Variants in WWOX observed in about 807,000 individuals in gnomAD.
WWOX encodes WW domain-containing oxidoreductase.
WWOX carries 69 observed loss-of-function variants against 46.2 expected under a neutral mutation model. The observed-to-expected ratio is 1.49, with a 90% CI of 1.23 to 1.82. The LOEUF is 1.82. Among genes scored for constraint, WWOX ranks in the 40% most tolerant of loss-of-function variants. The pLI is 0.00. For missense variants in WWOX, 919 were observed against 542.6 expected (o/e 1.69, Z -6.89); for synonymous variants, 359 against 202.6 (o/e 1.77, Z -6.56).
intron 8 of WWOX, among the ~76,000 whole-genome samples, chr16:79,125,777 G>C (rs1226732070): frequency 1.3e-5 from 2 of 152,214 alleles, no homozygotes; most frequent in Non-Finnish European, 1.5e-5. Flanking sequence ...TTGGACTTCA[G>C]AGCCCCTTGT....
intron 8 of WWOX, among the ~76,000 whole-genome samples, chr16:78,794,208 G>T (rs530238371): frequency 6.6e-6 from 1 of 152,136 alleles, no homozygotes; most frequent in Non-Finnish European, 1.5e-5. Context: ...ACAGCAAGAA[G>T]AATATCCATG....
intron 8 of WWOX, among the ~76,000 whole-genome samples, chr16:78,854,852 G>A (rs2052530681): frequency 6.6e-6 from 1 of 151,702 alleles, no homozygotes; most frequent in Non-Finnish European, 1.5e-5. Context: ...AAAGTGCTGG[G>A]ATTAGAGGCC....
intron 5 of WWOX, chr16:78,281,171 T>G (rs1157878048): frequency 6.6e-6 from 1 of 152,238 alleles, no homozygotes; most frequent in African/African-American, 2.4e-5. Flanking sequence ...GTAAGTATTC[T>G]TGGGGCAAAT....
intron 8 of WWOX, among the ~76,000 whole-genome samples, chr16:78,530,108 G>C (rs1009874343): frequency 1.3e-5 from 2 of 152,168 alleles, no homozygotes; most frequent in African/African-American, 4.8e-5. Flanking sequence ...GCAGGAGCCA[G>C]GGTAAATGCT....
intron 8 of WWOX, among the ~76,000 whole-genome samples, chr16:78,787,856 A>G (rs983927765): frequency 9.2e-5 from 14 of 152,092 alleles, no homozygotes; most frequent in African/African-American, 2.9e-4. Flanking sequence ...GAAGGTATGA[A>G]ATTGTATCGT....
Position 78,656,502 on chromosome 16 carries a change from C to T in WWOX, c.1056+223750C>T, listed in dbSNP as rs569616020. Among the ~76,000 whole-genome samples the T allele has an allele frequency of 1.3e-3, 192 of 152,296 alleles. No homozygotes were observed. The Middle Eastern group carries it at 0.014, about 11-fold the overall frequency. On this transcript the variant is annotated intron_variant, in intron 8 of 8. Transcript: ENST00000566780. Reference sequence around the variant, plus strand: ...AAGATGAAAGGGAAGCAGGCATGTTCTGCATGGCTGGAGTAGGAGGCAAGG... The same window carrying T: ...AAGATGAAAGGGAAGCAGGCATGTTTTGCATGGCTGGAGTAGGAGGCAAGG...
At chr16:78,455,978 C>T (rs552768650) in intron 8 of WWOX, among the ~76,000 whole-genome samples, 4 of 152,294 alleles carry the variant, frequency 2.6e-5, no homozygotes, top group African/African-American at 7.2e-5. Flanking sequence ...GGCTATAGGC[C>T]AGGACCTGTG....
chr16:78,611,432 G>T (rs2045897741), intron 8 of WWOX, among the ~76,000 whole-genome samples: 1 of 152,144 alleles, frequency 6.6e-6, no homozygotes, highest in Admixed American at 6.5e-5. Context: ...GAATTCTTTG[G>T]TGCATTTTAT....
intron 8 of WWOX, among the ~76,000 whole-genome samples, chr16:78,622,292 C>T (rs890482544): frequency 1.3e-5 from 2 of 151,960 alleles, no homozygotes; most frequent in African/African-American, 2.4e-5. Flanking sequence ...CTTGTAATCC[C>T]AGCACTTTGG....
At chr16:78,372,604 A>G (rs1274462948) in intron 5 of WWOX, among the ~76,000 whole-genome samples, 2 of 152,184 alleles carry the variant, frequency 1.3e-5, no homozygotes, top group African/African-American at 2.4e-5. Context: ...CTGGATCTAG[A>G]GAAGGGTTAC....
intron 6 of WWOX, among the ~76,000 whole-genome samples, chr16:78,411,635 G>C (rs1260749899): frequency 6.6e-6 from 1 of 152,140 alleles, no homozygotes; most frequent in African/African-American, 2.4e-5. Context: ...AAGTTTTTGA[G>C]AATGGGTAGG....
chr16:78,607,691 C>T (rs1309984197), intron 8 of WWOX, among the ~76,000 whole-genome samples: 2 of 148,700 alleles, frequency 1.3e-5, no homozygotes, highest in African/African-American at 2.4e-5. Flanking sequence ...TATAGGGGCC[C>T]TTAAGAGAAA....
chr16:78,135,972 A>C (rs1264930837), intron 4 of WWOX, among the ~76,000 whole-genome samples: 1 of 152,208 alleles, frequency 6.6e-6, no homozygotes, highest in East Asian at 1.9e-4. Context: ...TGATAACTAT[A>C]TATAAAATTA....
intron 8 of WWOX, among the ~76,000 whole-genome samples, chr16:79,185,674 G>A (rs1359794354): frequency 6.6e-6 from 1 of 152,134 alleles, no homozygotes; most frequent in East Asian, 1.9e-4. Flanking sequence ...GTTTGGCAGA[G>A]CCTGTGCTAA....
At chr16:78,814,310 A>T (rs1413760604) in intron 8 of WWOX, among the ~76,000 whole-genome samples, 1 of 152,144 alleles carries the variant, frequency 6.6e-6, no homozygotes, top group Non-Finnish European at 1.5e-5. Flanking sequence ...CTCCTGGTGA[A>T]GTATCTCCTT....
intron 1 of WWOX, among the ~76,000 whole-genome samples, chr16:78,107,326 G>T (rs2032210059): frequency 1.3e-5 from 2 of 152,168 alleles, no homozygotes; most frequent in Admixed American, 1.3e-4. Flanking sequence ...TATAACTTTG[G>T]GTGGTGGTCT....
intron 6 of WWOX, among the ~76,000 whole-genome samples, chr16:78,400,869 A>T (rs114551908): frequency 6.6e-6 from 1 of 152,192 alleles, no homozygotes; most frequent in East Asian, 1.9e-4. Context: ...TGTCACCCAG[A>T]CTGGTGTGCA....
chr16:79,120,392 C>A (rs768458293), intron 8 of WWOX, among the ~76,000 whole-genome samples: 45 of 152,284 alleles, frequency 3.0e-4, no homozygotes, highest in Non-Finnish European at 4.9e-4. Context: ...TAACAGTGGG[C>A]AATGTGGCCC....
chr16:78,503,968 G>A (rs1358729789), intron 8 of WWOX, among the ~76,000 whole-genome samples: 1 of 152,286 alleles, frequency 6.6e-6, no homozygotes, highest in African/African-American at 2.4e-5. Flanking sequence ...CTTGGAAGCT[G>A]CAAGTTATGT....
Sources: allele counts gnomAD v4.1 joint callset (sites outside exome capture counted in the v4.1 genomes callset), GRCh38; gene constraint gnomAD v4.1.1; transcripts MANE v1.5; gene names NCBI Gene and HGNC (gene_info 2026-07-23, HGNC 2026-07-21).